The following USP47 variants were observed in gnomAD, a reference collection of about 807,000 sequenced individuals.
The protein encoded by USP47 is ubiquitin carboxyl-terminal hydrolase 47.
Under a neutral mutation model 165.1 loss-of-function variants are expected in USP47, and 35 were observed. The observed-to-expected ratio is 0.21, with a 90% confidence interval of 0.16 to 0.28. The LOEUF (loss-of-function observed/expected upper bound fraction) is 0.28, where lower values mean the gene tolerates loss of function less well. USP47 is among the 10% of genes least tolerant of loss of function. The pLI is 1.00. For synonymous variants in USP47, 531 were observed against 544.5 expected, an observed-to-expected ratio of 0.98 and a Z score of 0.35; for missense variants, 1,277 against 1,607.4, an observed-to-expected ratio of 0.79 and a Z score of 3.52.
chr11:11,920,055 A>G, intron 8 of USP47, 101 bp from the exon 9 acceptor site: 1 of 844,734 alleles, frequency 1.2e-6, no homozygotes, highest in East Asian at 3.2e-5. Context: ...ATTTCTAACC[A>G]TTCTACTTAT....
rs1855577365 is a variant in USP47 at position 11,942,930 on chromosome 11, T to C, written c.2909T>C (p.Ile970Thr). 12 of 1,613,344 alleles carry C rather than the reference T, an allele frequency of 7.4e-6. No homozygotes were observed. The East Asian group carries it at 2.2e-4, about 30-fold the overall frequency. ...GCTAATGGACTTGACTCTCACAGTA[T>C]CACAAGTAGTAGAAGAACGAAAGCA... ...PLANGLDSHS[I>T]TSSRRTKANE... Residue 970 changes from isoleucine to threonine, a missense_variant, in exon 20 of 28, where the codon ATC becomes ACC. Transcript: ENST00000527733.
At chr11:11,920,608 G>T in intron 10 of USP47, 114 bp downstream of exon 10, 1 of 958,998 alleles carries the variant, frequency 1.0e-6, no homozygotes, top group Non-Finnish European at 1.4e-6. Context: ...CTTCTTGATG[G>T]AAACTTTTTC....
At chr11:11,942,129 T>G (rs1354289532) in intron 19 of USP47, among the ~76,000 whole-genome samples, 1 of 152,124 alleles carries the variant, frequency 6.6e-6, no homozygotes, top group Admixed American at 6.6e-5. Context: ...TCTATCTTAG[T>G]GTAGTTTTAT....
intron 8 of USP47, among the ~76,000 whole-genome samples, chr11:11,917,326 T>C (rs1044644258): frequency 2.6e-5 from 4 of 152,166 alleles, no homozygotes; most frequent in African/African-American, 7.2e-5. Flanking sequence ...CAGGAACTCA[T>C]TGGGTATTAT....
chr11:11,864,070 CAT>C (rs1244338680), intron 1 of USP47, among the ~76,000 whole-genome samples: 2 of 152,098 alleles, frequency 1.3e-5, no homozygotes, highest in Admixed American at 6.5e-5. Flanking sequence ...CATACAAACA[CAT>C]ATGTGAGTGA....
At chr11:11,937,585 T>TC (rs1488892472) in intron 17 of USP47, among the ~76,000 whole-genome samples, 1 of 151,530 alleles carries the variant, frequency 6.6e-6, no homozygotes, top group African/African-American at 2.4e-5. Flanking sequence ...TTTTTTTTTT[T>TC]TTTGCTAGAC....
chr11:11,882,415 C>T (rs1432196194), intron 2 of USP47, among the ~76,000 whole-genome samples: 1 of 152,032 alleles, frequency 6.6e-6, no homozygotes, highest in African/African-American at 2.4e-5. Context: ...TCATATTATG[C>T]TTTTTATTCC....
chr11:11,910,972 A>G (rs1852931971), intron 8 of USP47, among the ~76,000 whole-genome samples: 1 of 152,220 alleles, frequency 6.6e-6, no homozygotes, highest in African/African-American at 2.4e-5. Context: ...CCATCATAGA[A>G]ACACTTCAGT....
intron 17 of USP47, 52 bp from the exon 18 acceptor site, chr11:11,938,192 TTACTCATGTGAAA>T (rs1482371676): frequency 7.2e-7 from 1 of 1,381,684 alleles, no homozygotes; most frequent in Non-Finnish European, 1.0e-6. Context: ...TAAGAATGCA[TTACTCATGTGAAA>T]TACATTAAAA....
intron 4 of USP47, among the ~76,000 whole-genome samples, chr11:11,893,923 G>A (rs945684202): frequency 6.6e-6 from 1 of 152,064 alleles, no homozygotes; most frequent in African/African-American, 2.4e-5. Flanking sequence ...GCTAGTTATT[G>A]TGCAGCTTTA....
intron 11 of USP47, among the ~76,000 whole-genome samples, chr11:11,923,845 G>A (rs968599935): frequency 5.9e-5 from 9 of 152,366 alleles, no homozygotes; most frequent in Admixed American, 5.9e-4. Context: ...AATGTAATAA[G>A]TACATTGTAA....
At chr11:11,866,937 G>T (rs897093418) in intron 1 of USP47, among the ~76,000 whole-genome samples, 1 of 151,282 alleles carries the variant, frequency 6.6e-6, no homozygotes, top group Non-Finnish European at 1.5e-5. Flanking sequence ...TCACTCTGTT[G>T]CCCAGGCTGG....
At chr11:11,895,953 G>A (rs1590326593) in intron 4 of USP47, among the ~76,000 whole-genome samples, 2 of 152,276 alleles carry the variant, frequency 1.3e-5, no homozygotes, top group East Asian at 3.9e-4. Context: ...TATTTCAGAT[G>A]TAGAATCCAC....
intron 1 of USP47, among the ~76,000 whole-genome samples, chr11:11,875,723 C>T (rs1173954407): frequency 6.6e-6 from 1 of 152,162 alleles, no homozygotes; most frequent in South Asian, 2.1e-4. Flanking sequence ...CCTGCTTCTG[C>T]CTTCCAAGTA....
At chr11:11,875,296 C>T (rs942836282) in intron 1 of USP47, among the ~76,000 whole-genome samples, 4 of 151,948 alleles carry the variant, frequency 2.6e-5, no homozygotes, top group African/African-American at 7.3e-5. Context: ...TGAACATATA[C>T]GATCAATTTT....
intron 1 of USP47, among the ~76,000 whole-genome samples, chr11:11,871,729 C>T (rs1236592383): frequency 6.6e-6 from 1 of 152,020 alleles, no homozygotes; most frequent in Admixed American, 6.6e-5. Context: ...GCCCTGTATC[C>T]TGCCCTGCGA....
chr11:11,937,923 T>TA (rs938509772), intron 17 of USP47, among the ~76,000 whole-genome samples: 20 of 151,978 alleles, frequency 1.3e-4, no homozygotes, highest in African/African-American at 4.6e-4. Context: ...AATTTCAATA[T>TA]AAAAGATTTA....
intron 1 of USP47, among the ~76,000 whole-genome samples, chr11:11,855,267 G>A (rs945803316): frequency 2.6e-5 from 4 of 152,190 alleles, no homozygotes; most frequent in Non-Finnish European, 5.9e-5. Context: ...GATTCAGTGC[G>A]AAATGTTATT....
intron 1 of USP47, among the ~76,000 whole-genome samples, chr11:11,851,419 C>G (rs1253914478): frequency 2.0e-5 from 3 of 152,156 alleles, no homozygotes; most frequent in Non-Finnish European, 4.4e-5. Context: ...CACTCTCGTT[C>G]CCAAAGTGTC....
Sources: allele counts gnomAD v4.1 joint callset (sites outside exome capture counted in the v4.1 genomes callset), GRCh38; gene constraint gnomAD v4.1.1; transcripts MANE v1.5; gene names NCBI Gene and HGNC (gene_info 2026-07-23, HGNC 2026-07-21).